Variants in GRID1 observed in about 807,000 individuals in gnomAD.
GRID1 encodes glutamate receptor ionotropic, delta-1.
Under a neutral mutation model 98.0 loss-of-function variants are expected in GRID1, and 28 were observed. The ratio of observed to expected loss-of-function variants is 0.29; its 90% confidence interval spans 0.21 to 0.39. GRID1 has a LOEUF of 0.39. Among genes scored for constraint, GRID1 ranks in the 10% least tolerant of loss-of-function variants. The probability of loss-of-function intolerance (pLI) is 1.00; values close to 1 mark genes in which losing one functional copy is unlikely to be tolerated. For synonymous variants in GRID1, 553 were observed against 538.5 expected, an observed-to-expected ratio of 1.03 and a Z score of -0.37; for missense variants, 1,111 against 1,340.5, an observed-to-expected ratio of 0.83 and a Z score of 2.67.
intron 4 of GRID1, among the ~76,000 whole-genome samples, chr10:85,949,869 G>A (rs772770531): frequency 6.6e-6 from 1 of 152,144 alleles, no homozygotes; most frequent in Non-Finnish European, 1.5e-5. Flanking sequence ...ACAGAGAAAA[G>A]AGAGATACAT....
At chr10:85,841,151 A>G (rs538606246) in intron 8 of GRID1, among the ~76,000 whole-genome samples, 95 of 152,272 alleles carry the variant, frequency 6.2e-4, no homozygotes, top group African/African-American at 2.2e-3. Flanking sequence ...ATCTATACCA[A>G]AAGAACAGAA....
intron 12 of GRID1, among the ~76,000 whole-genome samples, chr10:85,698,170 A>C (rs549309577): frequency 7.9e-5 from 12 of 152,330 alleles, no homozygotes; most frequent in Non-Finnish European, 1.6e-4. Context: ...AAAACCAAGG[A>C]TGTCAGATAA....
chr10:86,116,673 C>T (rs1160227184), intron 4 of GRID1, among the ~76,000 whole-genome samples: 2 of 152,146 alleles, frequency 1.3e-5, no homozygotes, highest in African/African-American at 4.8e-5. Flanking sequence ...GTGGGGTTGA[C>T]TTGAATTTAA....
intron 3 of GRID1, among the ~76,000 whole-genome samples, chr10:86,143,465 G>T (rs1464095540): frequency 6.6e-6 from 1 of 152,060 alleles, no homozygotes; most frequent in African/African-American, 2.4e-5. Context: ...AATGAACAGA[G>T]CTGGGACTTC....
In GRID1 at chr10:85,765,997, C is replaced by T. The variant is rs566482400; in HGVS notation, c.1234-36383G>A. 3.9e-5 allele frequency among the ~76,000 whole-genome samples: 6 copies of T among 152,338 alleles called. No homozygotes were observed. In the East Asian group the frequency reaches 5.8e-4, roughly 15 times the overall value. On this transcript the variant is annotated intron_variant, in intron 8 of 15. Transcript: ENST00000327946. ...ACGATTTTAACTGCTGTCATGCTGA[C>T]TCAACTGGTCTCATACCACAGAGGT...
chr10:85,818,147 T>C (rs1342304712), intron 8 of GRID1, among the ~76,000 whole-genome samples: 2 of 152,324 alleles, frequency 1.3e-5, no homozygotes, highest in African/African-American at 4.8e-5. Flanking sequence ...TTGTAGATAA[T>C]GGAAGCCAAC....
At chr10:86,151,793 AC>A (rs1032943869) in intron 3 of GRID1, among the ~76,000 whole-genome samples, 55 of 152,240 alleles carry the variant, frequency 3.6e-4, no homozygotes, top group African/African-American at 1.1e-3. Context: ...GATCCCTGGG[AC>A]CAGCAGTGTC....
chr10:85,669,805 G>A (rs2132581636), intron 12 of GRID1, among the ~76,000 whole-genome samples: 1 of 152,268 alleles, frequency 6.6e-6, no homozygotes, highest in African/African-American at 2.4e-5. Context: ...TTACTAAAAT[G>A]GAAGCTCTTT....
At chr10:85,908,091 T>G (rs975771997) in intron 5 of GRID1, among the ~76,000 whole-genome samples, 1 of 152,150 alleles carries the variant, frequency 6.6e-6, no homozygotes, top group African/African-American at 2.4e-5. Context: ...GATGAAAAAC[T>G]GTGTGTGTTC....
chr10:85,954,414 C>G lies in GRID1; in HGVS notation c.727-38175G>C, dbSNP rs148283986. On this transcript the variant is annotated intron_variant, in intron 4 of 15. Transcript: ENST00000327946. ...TTAATGGACTGAGAGTAACTGGCAG[C>G]AATAGGAAATCTTCAGAAATTAAGT... 3.9e-5 allele frequency among the ~76,000 whole-genome samples: 6 copies of G among 152,164 alleles called. No individual in the cohort carries two copies. The East Asian group carries it at 1.2e-3, about 29-fold the overall frequency.
At chr10:85,835,897 A>C (rs1474792745) in intron 8 of GRID1, among the ~76,000 whole-genome samples, 2 of 152,230 alleles carry the variant, frequency 1.3e-5, no homozygotes. Flanking sequence ...ATGATCCTTA[A>C]ACATGTGGAA....
chr10:85,652,029 A>G (rs1239447396), intron 12 of GRID1, among the ~76,000 whole-genome samples: 2 of 152,232 alleles, frequency 1.3e-5, no homozygotes, highest in Admixed American at 6.5e-5. Context: ...TGCTGAAAGC[A>G]TAGCTGATAC....
At chr10:86,350,425 G>A (rs1489511452) in intron 2 of GRID1, among the ~76,000 whole-genome samples, 1 of 152,184 alleles carries the variant, frequency 6.6e-6, no homozygotes, top group Non-Finnish European at 1.5e-5. Context: ...GCTGGGGCTG[G>A]GGAGATGGCA....
intron 2 of GRID1, among the ~76,000 whole-genome samples, chr10:86,232,206 C>T (rs546661698): frequency 2.5e-4 from 38 of 152,246 alleles, no homozygotes; most frequent in African/African-American, 8.9e-4. Flanking sequence ...AGGGAGGGCC[C>T]CAGGGGAATA....
chr10:85,665,842 C>G (rs1478117814), intron 12 of GRID1, among the ~76,000 whole-genome samples: 1 of 152,086 alleles, frequency 6.6e-6, no homozygotes, highest in African/African-American at 2.4e-5. Context: ...AATCTGAGCT[C>G]TTGGGGTGAT....
intron 11 of GRID1, 24 bp from the exon 12 acceptor site, chr10:85,723,165 T>C: frequency 6.3e-7 from 1 of 1,590,716 alleles, no homozygotes; most frequent in South Asian, 1.2e-5. Flanking sequence ...ACAAAGTGGA[T>C]TGGCCAGTGG....
chr10:86,163,168 G>A (rs1398185605), intron 3 of GRID1, among the ~76,000 whole-genome samples: 3 of 152,192 alleles, frequency 2.0e-5, no homozygotes, highest in African/African-American at 7.2e-5. Flanking sequence ...AGGTTGTCAT[G>A]GGGCAGGCTG....
At chr10:85,763,825 G>A (rs556895410) in intron 8 of GRID1, among the ~76,000 whole-genome samples, 8 of 152,156 alleles carry the variant, frequency 5.3e-5, no homozygotes, top group East Asian at 3.9e-4. Context: ...TCTTCTACTC[G>A]CACATAAACA....
chr10:85,915,100 T>C (rs896911410), intron 5 of GRID1, among the ~76,000 whole-genome samples: 6 of 152,116 alleles, frequency 3.9e-5, no homozygotes, highest in African/African-American at 1.4e-4. Context: ...CATTCCTCCC[T>C]GGGGCCAAAC....
Sources: allele counts gnomAD v4.1 joint callset (sites outside exome capture counted in the v4.1 genomes callset), GRCh38; gene constraint gnomAD v4.1.1; transcripts MANE v1.5; gene names NCBI Gene and HGNC (gene_info 2026-07-23, HGNC 2026-07-21).